The following CDH18 variants were observed in gnomAD, a reference collection of about 807,000 sequenced individuals.
CDH18 encodes cadherin 18.
In CDH18, 31 loss-of-function variants were observed where a neutral mutation model predicts 67.9. The ratio of observed to expected loss-of-function variants is 0.46; its 90% CI spans 0.34 to 0.62. The LOEUF is 0.62. Among genes scored for constraint, CDH18 ranks in the 20% least tolerant of loss-of-function variants. CDH18 has a pLI of 0.01. For synonymous variants in CDH18, 362 were observed against 347.2 expected, an observed-to-expected ratio of 1.04 and a Z score of -0.48; for missense variants, 890 against 975.5, an observed-to-expected ratio of 0.91 and a Z score of 1.17.
chr5:19,884,051 T>C (rs557136855), intron 2 of CDH18, among the ~76,000 whole-genome samples: 29 of 152,298 alleles, frequency 1.9e-4, no homozygotes, highest in African/African-American at 6.5e-4. Context: ...GTCAGTTGGA[T>C]ATGTTGAAAT....
chr5:19,717,325 T>C (rs1765456032), intron 5 of CDH18, among the ~76,000 whole-genome samples: 1 of 152,050 alleles, frequency 6.6e-6, no homozygotes, highest in African/African-American at 2.4e-5. Flanking sequence ...CAGAGAATCA[T>C]CAAATGGCCA....
At chr5:19,660,305 C>T (rs534704133) in intron 5 of CDH18, among the ~76,000 whole-genome samples, 1 of 151,900 alleles carries the variant, frequency 6.6e-6, no homozygotes, top group Non-Finnish European at 1.5e-5. Flanking sequence ...GTAACTAAAA[C>T]AACTTTTTGC....
intron 6 of CDH18, among the ~76,000 whole-genome samples, chr5:19,595,773 TA>T (rs1209694601): frequency 6.6e-6 from 1 of 152,214 alleles, no homozygotes; most frequent in African/African-American, 2.4e-5. Context: ...CTCTCTTTCA[TA>T]AGCATTGGAG....
At chr5:20,560,956 A>G (rs905249219) in intron 1 of CDH18, among the ~76,000 whole-genome samples, 1 of 152,120 alleles carries the variant, frequency 6.6e-6, no homozygotes, top group Non-Finnish European at 1.5e-5. Context: ...TCAGCAAAAG[A>G]CTTGAACAGA....
intron 5 of CDH18, among the ~76,000 whole-genome samples, chr5:19,625,709 T>C (rs571888021): frequency 1.3e-5 from 2 of 152,256 alleles, no homozygotes; most frequent in African/African-American, 4.8e-5. Flanking sequence ...TAATGGATTA[T>C]GGCCCACTGA....
chr5:19,845,636 A>C (rs893738220), intron 2 of CDH18, among the ~76,000 whole-genome samples: 4 of 151,840 alleles, frequency 2.6e-5, no homozygotes, highest in Non-Finnish European at 5.9e-5. Flanking sequence ...TTATTGTATT[A>C]TTCTCTATTC....
At chr5:19,759,959 G>T (rs1232340905) in intron 3 of CDH18, among the ~76,000 whole-genome samples, 1 of 152,078 alleles carries the variant, frequency 6.6e-6, no homozygotes, top group African/African-American at 2.4e-5. Context: ...TAACCTAGAA[G>T]TTTTCTGCTT....
intron 2 of CDH18, among the ~76,000 whole-genome samples, chr5:20,227,267 G>C (rs1224320666): frequency 6.6e-6 from 1 of 152,048 alleles, no homozygotes; most frequent in Non-Finnish European, 1.5e-5. Context: ...GAAAATTCAT[G>C]GTTTCCAGTG....
intron 2 of CDH18, among the ~76,000 whole-genome samples, chr5:19,974,115 T>A (rs1211944372): frequency 6.6e-6 from 1 of 152,018 alleles, no homozygotes; most frequent in Admixed American, 6.6e-5. Context: ...ACATATAGGA[T>A]CTGACAGTGG....
chr5:20,081,013 A>C (rs1483438373), intron 2 of CDH18, among the ~76,000 whole-genome samples: 3 of 152,170 alleles, frequency 2.0e-5, no homozygotes, highest in African/African-American at 7.2e-5. Context: ...TTTTTAAAAA[A>C]GATTTTTTAT....
intron 3 of CDH18, among the ~76,000 whole-genome samples, chr5:19,780,777 T>C (rs1177783684): frequency 6.6e-6 from 1 of 152,114 alleles, no homozygotes; most frequent in East Asian, 1.9e-4. Flanking sequence ...CTTTTGTATA[T>C]GGCCACAATT....
intron 1 of CDH18, among the ~76,000 whole-genome samples, chr5:20,410,209 G>C (rs952582333): frequency 6.6e-6 from 1 of 151,428 alleles, no homozygotes; most frequent in Middle Eastern, 3.4e-3. Context: ...CAATATACTA[G>C]AATTAATACA....
chr5:20,235,739 T>C (rs4866174), intron 2 of CDH18, among the ~76,000 whole-genome samples: 12,242 of 152,220 alleles, frequency 0.08, 593 homozygotes, highest in East Asian at 0.15. Context: ...TAACTGAGAA[T>C]TGAACTACCA....
intron 2 of CDH18, among the ~76,000 whole-genome samples, chr5:20,195,788 C>T (rs4866169): frequency 0.7 from 105,812 of 151,960 alleles, 37,481 homozygotes; most frequent in African/African-American, 0.84. Context: ...GATTTGTATA[C>T]AAAATGCATC....
chr5:20,422,756 C>T (rs114153535), intron 1 of CDH18, among the ~76,000 whole-genome samples: 40 of 151,222 alleles, frequency 2.6e-4, no homozygotes, highest in Non-Finnish European at 4.4e-4. Context: ...AAAGCAACTT[C>T]CCAGAATGGA....
intron 1 of CDH18, among the ~76,000 whole-genome samples, chr5:20,320,615 T>C (rs545844934): frequency 7.9e-5 from 12 of 152,318 alleles, no homozygotes; most frequent in Admixed American, 5.9e-4. Flanking sequence ...TCTCACTCAC[T>C]GCCCCCAGAT....
intron 1 of CDH18, among the ~76,000 whole-genome samples, chr5:20,350,806 T>C (rs1437102814): frequency 6.6e-6 from 1 of 152,182 alleles, no homozygotes; most frequent in Non-Finnish European, 1.5e-5. Context: ...AATGAATATT[T>C]ATCAAAATGA....
intron 1 of CDH18, among the ~76,000 whole-genome samples, chr5:20,334,750 T>TCACA (rs1395879379): frequency 4.2e-4 from 42 of 99,358 alleles, no homozygotes; most frequent in African/African-American, 1.5e-3. Context: ...TCTCTCTCTC[T>TCACA]CATACACACA....
At chr5:20,095,336 AAAGAAAGAAAGAAAGAAAGAAAG>A (rs1745811175) in intron 2 of CDH18, among the ~76,000 whole-genome samples, 1 of 122,364 alleles carries the variant, frequency 8.2e-6, no homozygotes, top group Admixed American at 8.7e-5. Flanking sequence ...AGAAAGAAAG[AAAGAAAGAAAGAAAGAAAGAAAG>A]AAAAGACAGA....
Sources: gnomAD v4.1 joint callset for allele counts (sites outside exome capture counted in the v4.1 genomes callset) on GRCh38, gnomAD v4.1.1 for gene constraint, MANE v1.5 for transcripts, NCBI Gene and HGNC (gene_info 2026-07-23, HGNC 2026-07-21) for gene names.